KALRN: variants seen among roughly 807,000 people sequenced by gnomAD.
The protein encoded by KALRN is kalirin RhoGEF kinase.
A neutral mutation model predicts 353.7 loss-of-function variants in KALRN; 70 were observed. The observed-to-expected ratio is 0.20, with a 90% CI of 0.16 to 0.24. KALRN has a LOEUF of 0.24. KALRN is among the 10% of genes least tolerant of loss of function. The pLI is 1.00. For synonymous variants in KALRN, 1,391 were observed against 1,434.8 expected, an observed-to-expected ratio of 0.97 and a Z score of 0.69; for missense variants, 2,791 against 3,756.7, an observed-to-expected ratio of 0.74 and a Z score of 6.72.
At chr3:124,224,965 T>C (rs1452873257) in intron 1 of KALRN, among the ~76,000 whole-genome samples, 3 of 152,232 alleles carry the variant, frequency 2.0e-5, no homozygotes, top group African/African-American at 7.2e-5. Flanking sequence ...AACATTTCAT[T>C]GATTCATTTA....
chr3:124,642,304 AAG>A (rs34625612), intron 37 of KALRN, among the ~76,000 whole-genome samples: 51,382 of 149,592 alleles, frequency 0.34, 8,937 homozygotes, highest in East Asian at 0.47. Context: ...AAAAAATTAA[AAG>A]AGAGAGAGAG....
chr3:124,453,138 A>AGATAGAATCAAGTAGATTCTATTTTG lies in KALRN; in HGVS notation c.3553-2038_3553-2013dup, dbSNP rs1328670544. 1.4e-4 allele frequency among the ~76,000 whole-genome samples: 21 copies of AGATAGAATCAAGTAGATTCTATTTTG among 152,352 alleles called. 1 individual carries two copies. The highest frequency in any genetic ancestry group is 2.5e-4 in the Non-Finnish European group (17 of 68,014). ...AAAAGGGGTTCAATAATTCTAGTTTAGATAGAATCAAGTAGATTCTATTTT... is the reference window on the plus strand; with the variant it reads ...AAAAGGGGTTCAATAATTCTAGTTTAGATAGAATCAAGTAGATTCTATTTTGGATAGAATCAAGTAGATTCTATTTT... On this transcript the variant is annotated intron_variant, in intron 21 of 59. Coordinates refer to ENST00000682506, the MANE Select transcript of KALRN (RefSeq NM_001388419.1).
intron 51 of KALRN, chr3:124,679,851 A>C: frequency 1.0e-5 from 4 of 381,926 alleles, no homozygotes; most frequent in South Asian, 8.8e-5. Flanking sequence ...GGAAAACAGC[A>C]CTGTAAAGAG....
intron 1 of KALRN, among the ~76,000 whole-genome samples, chr3:124,134,996 C>CA (rs2065757411): frequency 6.6e-6 from 1 of 152,118 alleles, no homozygotes; most frequent in Non-Finnish European, 1.5e-5. Flanking sequence ...AAAGTGGAAC[C>CA]ACCATTTGAT....
chr3:124,223,579 G>C (rs1341893847), intron 1 of KALRN, among the ~76,000 whole-genome samples: 2 of 152,212 alleles, frequency 1.3e-5, no homozygotes, highest in Admixed American at 6.5e-5. Flanking sequence ...GCAATCCATG[G>C]ATACTCTGGC....
intron 33 of KALRN, among the ~76,000 whole-genome samples, chr3:124,531,678 C>T (rs1170162307): frequency 6.6e-6 from 1 of 152,156 alleles, no homozygotes; most frequent in East Asian, 1.9e-4. Context: ...ACAACCAAAT[C>T]TCACAAAACT....
In KALRN at chr3:124,542,394, T is replaced by A. The variant is rs75914474; in HGVS notation, c.4936-20449T>A. 5.0e-4 allele frequency among the ~76,000 whole-genome samples: 76 copies of A among 152,302 alleles called. No individual in the cohort carries two copies. In the East Asian group the frequency reaches 0.014, roughly 28 times the overall value. On this transcript the variant is annotated intron_variant, in intron 33 of 59. Coordinates refer to ENST00000682506, the MANE Select transcript of KALRN (RefSeq NM_001388419.1). Reference sequence around the variant, plus strand: ...AAATGATACACATGAAAACACTTTGTCAACTATGAAGCACCACACCCACGT... The same window carrying A: ...AAATGATACACATGAAAACACTTTGACAACTATGAAGCACCACACCCACGT...
chr3:124,396,960 G>C (rs894842644), intron 12 of KALRN, among the ~76,000 whole-genome samples: 1 of 152,222 alleles, frequency 6.6e-6, no homozygotes, highest in Non-Finnish European at 1.5e-5. Flanking sequence ...ACATTGACAG[G>C]ATGCCTCACA....
In KALRN at chr3:124,724,877, T is replaced by C. The variant is rs1200004080; in HGVS notation, c.*5407T>C. On this transcript the variant is annotated 3_prime_UTR_variant, in exon 60 of 60. Transcript: ENST00000682506. The stretch of plus-strand genomic sequence containing the variant: ...GCCTGAAATTAATACGCACAGGCTA[T>C]TGCATTTTTCTGTGAGAAATGTGCC... The C allele has an allele frequency of 1.3e-5, 2 of 152,234 alleles. No individual in the cohort carries two copies. Among genetic ancestry groups the C allele is most frequent in the Non-Finnish European group, 2.9e-5 (2 of 68,040 alleles). 9.4% of individuals were successfully genotyped at this position (152,234 alleles called of 1,614,324 possible).
intron 1 of KALRN, among the ~76,000 whole-genome samples, chr3:124,121,182 T>G (rs2063993372): frequency 6.6e-6 from 1 of 151,162 alleles, no homozygotes; most frequent in Non-Finnish European, 1.5e-5. Flanking sequence ...GTAATGTGAG[T>G]TCCAGGAGAT....
At chr3:124,372,729 G>C (rs538330011) in intron 10 of KALRN, among the ~76,000 whole-genome samples, 1 of 152,092 alleles carries the variant, frequency 6.6e-6, no homozygotes, top group African/African-American at 2.4e-5. Flanking sequence ...CTGTATTGTT[G>C]AGCATTTTGG....
At chr3:124,324,910 G>A (rs1580969593) in intron 6 of KALRN, among the ~76,000 whole-genome samples, 1 of 152,232 alleles carries the variant, frequency 6.6e-6, no homozygotes, top group Admixed American at 6.5e-5. Context: ...ACGAAGGTGT[G>A]TGAATAACTT....
intron 1 of KALRN, among the ~76,000 whole-genome samples, chr3:124,057,153 C>T (rs1334854907): frequency 6.6e-6 from 1 of 152,134 alleles, no homozygotes; most frequent in Non-Finnish European, 1.5e-5. Context: ...GGACGATCTG[C>T]AGACTGCTTC....
chr3:124,570,155 C>G (rs943612828), intron 34 of KALRN, among the ~76,000 whole-genome samples: 3 of 152,212 alleles, frequency 2.0e-5, no homozygotes, highest in African/African-American at 7.2e-5. Context: ...ATTAGGAGCC[C>G]TACCCTCAGG....
chr3:124,310,045 G>A (rs2078098189), intron 6 of KALRN, among the ~76,000 whole-genome samples: 1 of 152,058 alleles, frequency 6.6e-6, no homozygotes, highest in Non-Finnish European at 1.5e-5. Context: ...AACTATTAGA[G>A]CTAGTAAATA....
In KALRN at chr3:124,346,741, G is replaced by A. The variant is rs12495884; in HGVS notation, c.1648-402G>A. ...GTTTGTGTTCTTATGGCAGCGTGAC[G>A]GATGAGTAATGAGGGCCAAGATACT... On this transcript the variant is annotated intron_variant, in intron 9 of 59. Transcript: ENST00000682506. Among the ~76,000 whole-genome samples the A allele has an allele frequency of 0.011, 1,635 of 152,248 alleles. 66 individuals carry two copies. The East Asian group carries it at 0.14, about 13-fold the overall frequency.
chr3:124,427,438 T>G (rs777157177), intron 15 of KALRN, among the ~76,000 whole-genome samples: 3 of 152,336 alleles, frequency 2.0e-5, no homozygotes, highest in African/African-American at 7.2e-5. Context: ...TCAGTTGCCT[T>G]GAGTACAACC....
At chr3:124,358,473 T>C (rs1044740815) in intron 10 of KALRN, among the ~76,000 whole-genome samples, 3 of 152,148 alleles carry the variant, frequency 2.0e-5, no homozygotes. Context: ...AAAACAAAAA[T>C]TAGACAGAAG....
intron 58 of KALRN, among the ~76,000 whole-genome samples, chr3:124,713,441 G>A (rs2150792393): frequency 6.6e-6 from 1 of 152,162 alleles, no homozygotes; most frequent in African/African-American, 2.4e-5. Context: ...TGGACTCTTG[G>A]GCTGGGCAGG....
Sources: gnomAD v4.1 joint callset for allele counts (sites outside exome capture counted in the v4.1 genomes callset) on GRCh38, gnomAD v4.1.1 for gene constraint, MANE v1.5 for transcripts, NCBI Gene and HGNC (gene_info 2026-07-23, HGNC 2026-07-21) for gene names.